The following C14orf39 variants were observed in gnomAD, a reference collection of about 807,000 sequenced individuals.
The protein encoded by C14orf39 is chromosome 14 open reading frame 39.
C14orf39 carries 66 observed loss-of-function variants against 85.6 expected under a neutral mutation model. The observed-to-expected ratio is 0.77, with a 90% CI of 0.63 to 0.95. The LOEUF (loss-of-function observed/expected upper bound fraction) is 0.95. Ranked by LOEUF, C14orf39 falls within the 40% of genes least tolerant of loss-of-function variation. The pLI is 0.00. For synonymous variants in C14orf39, 242 were observed against 214.0 expected (o/e 1.13, Z -1.14); for missense variants, 735 against 663.9 (o/e 1.11, Z -1.18).
intron 16 of C14orf39, among the ~76,000 whole-genome samples, chr14:60,443,218 C>T (rs1051109371): frequency 2.0e-5 from 3 of 152,104 alleles, no homozygotes; most frequent in African/African-American, 4.8e-5. Context: ...CAGGGCAGGG[C>T]GTCCCCTCAC....
intron 5 of C14orf39, among the ~76,000 whole-genome samples, chr14:60,472,717 C>A (rs960994384): frequency 5.9e-5 from 9 of 152,258 alleles, no homozygotes; most frequent in Admixed American, 5.2e-4. Context: ...ATCCTTGTCC[C>A]TACAAAGGAC....
At chr14:60,512,356 C>T (rs1355938467) in intron 1 of C14orf39, 1 of 152,212 alleles carries the variant, frequency 6.6e-6, no homozygotes, top group Non-Finnish European at 1.5e-5. Context: ...CACCCATGAT[C>T]ATGCTAGAGT....
chr14:60,456,365 G>T (rs1891278487), intron 15 of C14orf39, among the ~76,000 whole-genome samples: 1 of 151,498 alleles, frequency 6.6e-6, no homozygotes, highest in Non-Finnish European at 1.5e-5. Flanking sequence ...AATGACTGAT[G>T]GAATATTAAT....
chr14:60,480,149 C>T (rs1378424244), intron 4 of C14orf39, among the ~76,000 whole-genome samples: 6 of 152,096 alleles, frequency 3.9e-5, no homozygotes, highest in South Asian at 2.1e-4. Flanking sequence ...AGGCTGGGTG[C>T]GGTGGCCCAC....
At chr14:60,489,471 T>C (rs1360738795), upstream of C14orf39, among the ~76,000 whole-genome samples, 1 of 152,226 alleles carries the variant, frequency 6.6e-6, no homozygotes, top group Non-Finnish European at 1.5e-5. Flanking sequence ...GCCCAGCACA[T>C]AGTATATAGA....
chr14:60,487,109 T>C (rs1011249686), upstream of C14orf39, among the ~76,000 whole-genome samples: 4 of 152,226 alleles, frequency 2.6e-5, no homozygotes, highest in African/African-American at 9.7e-5. Context: ...TATAATCATT[T>C]TTGGGTGTGT....
intron 1 of C14orf39, chr14:60,511,493 T>C: frequency 3.3e-6 from 2 of 599,164 alleles, no homozygotes; most frequent in South Asian, 4.0e-5. Context: ...ACGTTCTTCT[T>C]GCTTTGCTTT....
chr14:60,487,169 A>G (rs185438128), upstream of C14orf39, among the ~76,000 whole-genome samples: 148 of 152,266 alleles, frequency 9.7e-4, 3 homozygotes, highest in Admixed American at 9.7e-3. Flanking sequence ...CAAGGACACA[A>G]TACAGTATTA....
intron 11 of C14orf39, among the ~76,000 whole-genome samples, chr14:60,462,415 A>G (rs544241073): frequency 1.3e-5 from 2 of 152,248 alleles, no homozygotes; most frequent in East Asian, 3.9e-4. Context: ...TAATATCAAT[A>G]TCTAAACCAT....
intron 5 of C14orf39, among the ~76,000 whole-genome samples, chr14:60,472,700 C>T (rs1353700164): frequency 6.6e-6 from 1 of 152,096 alleles, no homozygotes; most frequent in Non-Finnish European, 1.5e-5. Flanking sequence ...TGATGGTTTC[C>T]AGCTTCATCC....
In C14orf39 at chr14:60,469,517, A is replaced by G. The variant is rs564208658; in HGVS notation, c.675+16T>C. ...ACATTAATACACATATTAGAAATATATAACAAAATATATACCTGGTTTAAA... is the reference window on the plus strand; with the variant it reads ...ACATTAATACACATATTAGAAATATGTAACAAAATATATACCTGGTTTAAA... On this transcript the variant is annotated intron_variant, in intron 8 of 17. Transcript: ENST00000321731. 7.7e-6 allele frequency: 9 copies of G among 1,171,338 alleles called. No homozygotes were observed. The African/African-American group carries it at 9.5e-5, about 12-fold the overall frequency. 72.6% of individuals were successfully genotyped at this position (1,171,338 alleles called of 1,614,324 possible). A position where few individuals can be genotyped will look rare whatever the true frequency, so the allele number is the denominator to read the frequency against.
chr14:60,511,357 A>T (rs1893291935), intron 1 of C14orf39: 1 of 1,359,276 alleles, frequency 7.4e-7, no homozygotes, highest in Middle Eastern at 1.8e-4. Context: ...GCGCCACAGA[A>T]GCCAGGTGAC....
chr14:60,469,787 CAG>C (rs945987920), intron 7 of C14orf39, 134 bp from the exon 8 acceptor site: 15 of 419,436 alleles, frequency 3.6e-5, no homozygotes, highest in Middle Eastern at 1.5e-3. Context: ...ATATTAAAAA[CAG>C]TATCTGAAAA....
chr14:60,489,748 A>C (rs1892958021), upstream of C14orf39, among the ~76,000 whole-genome samples: 1 of 152,186 alleles, frequency 6.6e-6, no homozygotes, highest in Non-Finnish European at 1.5e-5. Context: ...AGCTTTAAAC[A>C]TGGTCAAGTC....
intron 1 of C14orf39, 76 bp from the exon 2 acceptor site, chr14:60,485,162 T>C: frequency 8.2e-7 from 1 of 1,215,490 alleles, no homozygotes; most frequent in Non-Finnish European, 1.2e-6. Flanking sequence ...GTAACGACCT[T>C]TTCAATATAG....
chr14:60,483,289 T>G (rs1892727392), intron 4 of C14orf39, among the ~76,000 whole-genome samples: 1 of 152,206 alleles, frequency 6.6e-6, no homozygotes, highest in Non-Finnish European at 1.5e-5. Context: ...AGTTAACTAG[T>G]AGAATCCAGA....
At chr14:60,504,677 A>G (rs1046148660) in intron 1 of C14orf39, among the ~76,000 whole-genome samples, 2 of 152,232 alleles carry the variant, frequency 1.3e-5, no homozygotes, top group African/African-American at 4.8e-5. Flanking sequence ...TGTAGCTCTA[A>G]GCAAGTAATG....
At chr14:60,463,456 T>C (rs1200068065) in intron 11 of C14orf39, among the ~76,000 whole-genome samples, 1 of 152,144 alleles carries the variant, frequency 6.6e-6, no homozygotes, top group Non-Finnish European at 1.5e-5. Flanking sequence ...CACACTGTTA[T>C]AATTACTATG....
chr14:60,459,948 T>G (rs1436690442), intron 13 of C14orf39, among the ~76,000 whole-genome samples: 1 of 151,764 alleles, frequency 6.6e-6, no homozygotes, highest in Non-Finnish European at 1.5e-5. Flanking sequence ...AAATTCTTAA[T>G]TTTAATATTG....
Sources: allele counts gnomAD v4.1 joint callset (sites outside exome capture counted in the v4.1 genomes callset), GRCh38; gene constraint gnomAD v4.1.1; transcripts MANE v1.5; gene names NCBI Gene and HGNC (gene_info 2026-07-23, HGNC 2026-07-21).